The following KCNH8 variants were observed in gnomAD, a reference collection of about 807,000 sequenced individuals.
KCNH8 encodes the protein potassium voltage-gated channel subfamily H member 8.
KCNH8 carries 70 observed loss-of-function variants against 103.6 expected under a neutral mutation model. The observed-to-expected ratio is 0.68, with a 90% CI of 0.56 to 0.82. The LOEUF (loss-of-function observed/expected upper bound fraction) is 0.82, where lower values mean the gene tolerates loss of function less well. Ranked by LOEUF, KCNH8 falls within the 40% of genes least tolerant of loss-of-function variation. The pLI, the probability that KCNH8 is intolerant of heterozygous loss-of-function variation, is 0.00. For synonymous variants in KCNH8, 498 were observed against 489.4 expected, an observed-to-expected ratio of 1.02 and a Z score of -0.23; for missense variants, 1,217 against 1,329.9, an observed-to-expected ratio of 0.92 and a Z score of 1.32.
chr3:19,417,808 T>C (rs930847059), intron 7 of KCNH8, among the ~76,000 whole-genome samples: 10 of 152,286 alleles, frequency 6.6e-5, no homozygotes, highest in Non-Finnish European at 1.2e-4. Flanking sequence ...TCTGAGACTG[T>C]TGCAGTTAAA....
At chr3:19,240,785 G>A (rs1160166440) in intron 1 of KCNH8, among the ~76,000 whole-genome samples, 1 of 152,010 alleles carries the variant, frequency 6.6e-6, no homozygotes, top group Non-Finnish European at 1.5e-5. Context: ...TGCCTTTCTA[G>A]TTATTAAGGC....
At chr3:19,396,593 T>A (rs2066522231) in intron 7 of KCNH8, among the ~76,000 whole-genome samples, 1 of 151,762 alleles carries the variant, frequency 6.6e-6, no homozygotes, top group South Asian at 2.1e-4. Flanking sequence ...ACAAAGAAAA[T>A]GGGGAAATAA....
intron 8 of KCNH8, chr3:19,449,033 AC>A (rs2067403570): frequency 8.8e-7 from 1 of 1,138,058 alleles, no homozygotes; most frequent in Admixed American, 2.3e-5. Flanking sequence ...ATCCTGTCAT[AC>A]CTTCTCTGAC....
intron 11 of KCNH8, among the ~76,000 whole-genome samples, chr3:19,499,335 A>G (rs1389636212): frequency 5.9e-5 from 9 of 152,112 alleles, no homozygotes; most frequent in Admixed American, 3.3e-4. Flanking sequence ...GAAAGTCACA[A>G]GGAGAATGGA....
chr3:19,426,238 T>C (rs1191180319), intron 7 of KCNH8, among the ~76,000 whole-genome samples: 3 of 152,130 alleles, frequency 2.0e-5, no homozygotes, highest in Non-Finnish European at 4.4e-5. Context: ...GCTATGCCTC[T>C]TGCCACTTCT....
intron 11 of KCNH8, among the ~76,000 whole-genome samples, chr3:19,471,978 C>G (rs1365729290): frequency 6.6e-6 from 1 of 152,174 alleles, no homozygotes; most frequent in African/African-American, 2.4e-5. Context: ...TTGACTTATG[C>G]ACTTTTTTCT....
At chr3:19,431,116 G>A (rs2067115172) in intron 7 of KCNH8, among the ~76,000 whole-genome samples, 1 of 152,082 alleles carries the variant, frequency 6.6e-6, no homozygotes, top group South Asian at 2.1e-4. Flanking sequence ...TGTTGGCTGT[G>A]GGTTTTTCAC....
At chr3:19,270,032 A>G (rs1020422495) in intron 2 of KCNH8, among the ~76,000 whole-genome samples, 1 of 152,144 alleles carries the variant, frequency 6.6e-6, no homozygotes, top group Non-Finnish European at 1.5e-5. Flanking sequence ...GTCTTCTTAA[A>G]TCTCCAAAGA....
At chr3:19,332,082 C>T (rs139574088) in intron 3 of KCNH8, among the ~76,000 whole-genome samples, 3 of 148,626 alleles carry the variant, frequency 2.0e-5, no homozygotes, top group African/African-American at 5.0e-5. Context: ...ATACACTTCA[C>T]GTGTGTGAAC....
chr3:19,526,445 T>C (rs1288137240), intron 15 of KCNH8, among the ~76,000 whole-genome samples: 4 of 152,014 alleles, frequency 2.6e-5, no homozygotes, highest in Admixed American at 6.6e-5. Flanking sequence ...ATACTATATG[T>C]CATTTTATGT....
intron 11 of KCNH8, among the ~76,000 whole-genome samples, chr3:19,501,426 T>C (rs557207463): frequency 1.3e-5 from 2 of 152,218 alleles, no homozygotes; most frequent in Non-Finnish European, 2.9e-5. Flanking sequence ...ACTCATTTTA[T>C]GAGGCCAGCA....
intron 4 of KCNH8, among the ~76,000 whole-genome samples, chr3:19,347,378 A>G (rs2065742571): frequency 6.6e-6 from 1 of 152,100 alleles, no homozygotes; most frequent in Non-Finnish European, 1.5e-5. Context: ...GACAATAGGA[A>G]TGTAAATATA....
chr3:19,149,358 T>C (rs969949728), intron 1 of KCNH8, among the ~76,000 whole-genome samples: 1 of 152,174 alleles, frequency 6.6e-6, no homozygotes, highest in South Asian at 2.1e-4. Context: ...TAGCGTATCT[T>C]TTAATCCTTA....
intron 13 of KCNH8, among the ~76,000 whole-genome samples, chr3:19,513,649 C>A (rs893710908): frequency 1.3e-5 from 2 of 152,142 alleles, no homozygotes; most frequent in Non-Finnish European, 2.9e-5. Context: ...AGAAATGGAA[C>A]AAACTCCATC....
intron 3 of KCNH8, among the ~76,000 whole-genome samples, chr3:19,321,893 A>G (rs762963604): frequency 6.6e-6 from 1 of 151,632 alleles, no homozygotes; most frequent in Non-Finnish European, 1.5e-5. Flanking sequence ...TAGGATTGTG[A>G]TATTTTCCTA....
chr3:19,468,432 G>T (rs988576345), intron 11 of KCNH8, among the ~76,000 whole-genome samples: 1 of 152,162 alleles, frequency 6.6e-6, no homozygotes, highest in African/African-American at 2.4e-5. Flanking sequence ...ATATCTGTTA[G>T]ACATAGCAAA....
At chr3:19,355,649 C>G (rs1180729699) in intron 5 of KCNH8, among the ~76,000 whole-genome samples, 1 of 152,022 alleles carries the variant, frequency 6.6e-6, no homozygotes, top group East Asian at 1.9e-4. Flanking sequence ...AACCAAACAT[C>G]CCATGTTCTC....
chr3:19,154,183 T>C (rs192039785), intron 1 of KCNH8, among the ~76,000 whole-genome samples: 1 of 152,166 alleles, frequency 6.6e-6, no homozygotes, highest in Non-Finnish European at 1.5e-5. Context: ...ATAAATAACT[T>C]TGGGTGGGAA....
chr3:19,473,255 T>A (rs890757750), intron 11 of KCNH8, among the ~76,000 whole-genome samples: 2 of 152,234 alleles, frequency 1.3e-5, no homozygotes, highest in African/African-American at 4.8e-5. Flanking sequence ...TGGAATAACA[T>A]TCAGTTTAAT....
Sources: gnomAD v4.1 joint callset for allele counts (sites outside exome capture counted in the v4.1 genomes callset) on GRCh38, gnomAD v4.1.1 for gene constraint, MANE v1.5 for transcripts, NCBI Gene and HGNC (gene_info 2026-07-23, HGNC 2026-07-21) for gene names.